SNX32: variants seen among roughly 807,000 people sequenced by gnomAD.
The protein encoded by SNX32 is sorting nexin 32.
SNX32 carries 58 observed loss-of-function variants against 57.0 expected under a neutral mutation model. That is an observed-to-expected ratio of 1.02 (90% CI 0.82 to 1.27). The LOEUF is 1.27. SNX32 is among the 50% of genes most tolerant of loss of function. The pLI is 0.00. For synonymous variants in SNX32, 262 were observed against 220.4 expected, an observed-to-expected ratio of 1.19 and a Z score of -1.67; for missense variants, 589 against 541.2, an observed-to-expected ratio of 1.09 and a Z score of -0.88.
intron 7 of SNX32, 27 bp downstream of exon 7, chr11:65,851,187 TC>T: frequency 6.2e-7 from 1 of 1,607,444 alleles, no homozygotes. Flanking sequence ...GGGTCCTGGA[TC>T]CCCCTGCCCC....
chr11:65,844,863 G>A (rs1858943559), intron 1 of SNX32, among the ~76,000 whole-genome samples: 9 of 151,756 alleles, frequency 5.9e-5, no homozygotes, highest in Admixed American at 5.9e-4. Flanking sequence ...CTACTCAGGA[G>A]GCTGAGGCAG....
rs1859156014 is a variant in SNX32, at chr11:65,850,736, C to T, written c.499-15C>T. On this transcript the variant is annotated splice_polypyrimidine_tract_variant and intron_variant, in intron 5 of 12. Coordinates refer to ENST00000308342, the MANE Select transcript of SNX32 (RefSeq NM_152760.3). Reference sequence around the variant, plus strand: ...AACGCCCACCCCAGCATCATACCCTCCCTGTGTGCCTCAGCTGAGTGTCCG... The same window carrying T: ...AACGCCCACCCCAGCATCATACCCTTCCTGTGTGCCTCAGCTGAGTGTCCG... The T allele has an allele frequency of 6.2e-7, 1 of 1,612,102 alleles. No homozygotes were observed. Among genetic ancestry groups the T allele is most frequent in the Non-Finnish European group, 8.5e-7 (1 of 1,178,504 alleles).
intron 9 of SNX32, 116 bp from the exon 10 acceptor site, chr11:65,852,349 G>A (rs1222714545): frequency 3.3e-6 from 3 of 915,534 alleles, no homozygotes; most frequent in African/African-American, 1.6e-5. Flanking sequence ...CACCAGACCT[G>A]ACCTGGAACA....
rs1313516014 is a variant in SNX32 at position 65,853,399 on chromosome 11, T to C, written c.*64T>C. ...CAGTGACCAGGGTATCCCAGACCCCTCTCTCCGGCAAGATGTCTCCTTCCC... is the reference window on the plus strand; with the variant it reads ...CAGTGACCAGGGTATCCCAGACCCCCCTCTCCGGCAAGATGTCTCCTTCCC... On this transcript the variant is annotated 3_prime_UTR_variant, in exon 13 of 13. Transcript: ENST00000308342. 5 of 1,521,848 alleles carry C rather than the reference T, an allele frequency of 3.3e-6. No homozygotes were observed. Among genetic ancestry groups the C allele is most frequent in the East Asian group, 2.2e-5 (1 of 44,450 alleles). The allele number at this position is 1,521,848 out of a possible 1,614,324, so 94.3% of individuals were successfully genotyped here.
chr11:65,839,589 C>G (rs574202478), intron 1 of SNX32, among the ~76,000 whole-genome samples: 205 of 151,020 alleles, frequency 1.4e-3, no homozygotes, highest in African/African-American at 4.8e-3. Context: ...AGGTGATCCA[C>G]TCGCCTCGGC....
intron 1 of SNX32, among the ~76,000 whole-genome samples, chr11:65,845,124 C>T (rs1229625512): frequency 1.4e-5 from 2 of 144,282 alleles, no homozygotes; most frequent in Non-Finnish European, 1.5e-5. Context: ...AGCGAGAACA[C>T]CCCCCTGCTT....
chr11:65,853,258 C>G (rs1213870791), intron 12 of SNX32, 24 bp from the exon 13 acceptor site: 1 of 1,614,000 alleles, frequency 6.2e-7, no homozygotes, highest in Admixed American at 1.7e-5. Flanking sequence ...CAGGGGACTT[C>G]AAGGACCTGT....
At chr11:65,846,958 G>A (rs1478286341) in intron 1 of SNX32, among the ~76,000 whole-genome samples, 1 of 151,910 alleles carries the variant, frequency 6.6e-6, no homozygotes, top group African/African-American at 2.4e-5. Context: ...ACTCCAGCCT[G>A]GGCAACAAGA....
intron 1 of SNX32, among the ~76,000 whole-genome samples, chr11:65,834,533 T>C (rs1475595315): frequency 6.6e-6 from 1 of 151,032 alleles, no homozygotes; most frequent in Non-Finnish European, 1.5e-5. Context: ...TCTGTGTGTG[T>C]CTGTGCATGT....
At chr11:65,839,223 G>GTTTTTTTTTTTTTTTTT (rs755185237) in intron 1 of SNX32, among the ~76,000 whole-genome samples, 1,066 of 22,970 alleles carry the variant, frequency 0.046, 307 homozygotes, top group Non-Finnish European at 0.061. Context: ...TAATTTTTTT[G>GTTTTTTTTTTTTTTTTT]TATTTTTTTT....
At chr11:65,845,845 T>A (rs1858977517) in intron 1 of SNX32, among the ~76,000 whole-genome samples, 2 of 152,220 alleles carry the variant, frequency 1.3e-5, no homozygotes, top group Non-Finnish European at 2.9e-5. Context: ...TATGATATAA[T>A]CATGTAATGA....
At chr11:65,847,408 G>A (rs1049010157) in intron 1 of SNX32, among the ~76,000 whole-genome samples, 1 of 152,092 alleles carries the variant, frequency 6.6e-6, no homozygotes, top group Non-Finnish European at 1.5e-5. Flanking sequence ...AGCTCATCAC[G>A]GAGGCTGCGG....
Position 65,850,279 on chromosome 11 carries a change from C to G in SNX32, c.374+8C>G, listed in dbSNP as rs188646338. 120 of 1,614,142 alleles carry G rather than the reference C, an allele frequency of 7.4e-5. 2 individuals carry two copies. The East Asian group carries it at 1.3e-3, about 18-fold the overall frequency. ...GAAGCAGGAGCTGGAAGCGTGAGTG[C>G]CCCCTCCTTTCCCTGCCATCCCCAG... On this transcript the variant is annotated splice_region_variant and intron_variant, in intron 4 of 12. Coordinates refer to ENST00000308342, the MANE Select transcript of SNX32 (RefSeq NM_152760.3).
At chr11:65,840,247 C>A (rs1858805254) in intron 1 of SNX32, among the ~76,000 whole-genome samples, 1 of 152,122 alleles carries the variant, frequency 6.6e-6, no homozygotes, top group African/African-American at 2.4e-5. Flanking sequence ...TCAACACTCT[C>A]ATCAAATTAG....
At chr11:65,842,949 C>CA (rs922615169) in intron 1 of SNX32, among the ~76,000 whole-genome samples, 1,876 of 40,122 alleles carry the variant, frequency 0.047, 37 homozygotes, top group Non-Finnish European at 0.067. Context: ...AACTCCATCT[C>CA]AAAAAAAAAA....
At position 65,852,527 on chromosome 11, in the gene SNX32, C is replaced by T. The variant is rs1431169697; in HGVS notation, c.888C>T (p.Tyr296=). The change falls in exon 10 of 13, where the codon TAC becomes TAT. Residue 296 remains tyrosine (Y), a synonymous_variant. Coordinates refer to ENST00000308342, the MANE Select transcript of SNX32 (RefSeq NM_152760.3). The part of the protein sequence containing the change: ...DLKLSDMLRY[Y]MRDSQAAKDL... ...AGCTGTCAGACATGCTGAGGTACTA[C>T]ATGCGTGACTCACAGGCAGCCAAGG... 6.2e-7 allele frequency: 1 copy of T among 1,614,108 alleles called. No homozygotes were observed. The highest frequency in any genetic ancestry group is 8.5e-7 in the Non-Finnish European group (1 of 1,180,056).
intron 1 of SNX32, among the ~76,000 whole-genome samples, chr11:65,837,239 T>C (rs538312067): frequency 4.7e-4 from 72 of 152,192 alleles, no homozygotes; most frequent in African/African-American, 1.7e-3. Context: ...TGATTATGAA[T>C]GGACTAAATT....
intron 1 of SNX32, among the ~76,000 whole-genome samples, chr11:65,846,427 G>A (rs973123639): frequency 3.3e-5 from 5 of 151,938 alleles, no homozygotes; most frequent in South Asian, 2.1e-4. Context: ...TTAGCTGGGC[G>A]TGGTGGTGTA....
chr11:65,842,629 G>A (rs1275065989), intron 1 of SNX32, among the ~76,000 whole-genome samples: 1 of 151,374 alleles, frequency 6.6e-6, no homozygotes, highest in African/African-American at 2.4e-5. Context: ...CTCCAGCCTG[G>A]GTGACAAAGC....
Sources: allele counts gnomAD v4.1 joint callset (sites outside exome capture counted in the v4.1 genomes callset), GRCh38; gene constraint gnomAD v4.1.1; transcripts MANE v1.5; gene names NCBI Gene and HGNC (gene_info 2026-07-23, HGNC 2026-07-21).